The following PCSK6 variants were observed in gnomAD, a reference collection of about 807,000 sequenced individuals.
PCSK6 encodes proprotein convertase subtilisin/kexin type 6, also known as paired basic amino acid cleaving enzyme 4.
Under a neutral mutation model 123.3 loss-of-function variants are expected in PCSK6, and 85 were observed. That is an observed-to-expected ratio of 0.69 (90% CI 0.58 to 0.83). The LOEUF (loss-of-function observed/expected upper bound fraction) is 0.83, where lower values mean the gene tolerates loss of function less well. Ranked by LOEUF, PCSK6 falls within the 40% of genes least tolerant of loss-of-function variation. The pLI is 0.00. For synonymous variants in PCSK6, 508 were observed against 516.0 expected (o/e 0.98, Z 0.21); for missense variants, 1,191 against 1,282.3 (o/e 0.93, Z 1.09).
intron 11 of PCSK6, among the ~76,000 whole-genome samples, chr15:101,380,537 C>T (rs371966658): frequency 2.0e-5 from 3 of 152,256 alleles, no homozygotes; most frequent in Non-Finnish European, 2.9e-5. Flanking sequence ...GAGAAACCGA[C>T]GCCTTAAGAA....
chr15:101,399,783 A>C (rs148334129), intron 6 of PCSK6, among the ~76,000 whole-genome samples: 1 of 151,960 alleles, frequency 6.6e-6, no homozygotes, highest in African/African-American at 2.4e-5. Flanking sequence ...ACCCTGGGTC[A>C]ACTCTCTTCA....
At chr15:101,377,145 G>A (rs1030617034) in intron 11 of PCSK6, among the ~76,000 whole-genome samples, 1 of 152,252 alleles carries the variant, frequency 6.6e-6, no homozygotes. Flanking sequence ...CTGGGCTCCT[G>A]GCCTCACCAG....
rs147936226 is a variant in PCSK6, at chr15:101,345,168, G to A, written c.1859-13137C>T. Among the ~76,000 whole-genome samples, 242 of 152,142 alleles carry A rather than the reference G, an allele frequency of 1.6e-3. 1 individual carries two copies. Among genetic ancestry groups the A allele is most frequent in the African/African-American group, 5.4e-3 (223 of 41,504 alleles). On this transcript the variant is annotated intron_variant, in intron 13 of 21. Coordinates refer to ENST00000611716, the MANE Select transcript of PCSK6 (RefSeq NM_002570.5). ...AAGCAGATGCCTTCAAGCAAAAGCC[G>A]GACCATGATTCTGTTCACCTCTTTG...
At chr15:101,461,136 A>T (rs192324310) in intron 1 of PCSK6, among the ~76,000 whole-genome samples, 27 of 152,340 alleles carry the variant, frequency 1.8e-4, no homozygotes, top group Non-Finnish European at 3.4e-4. Flanking sequence ...TAAAGAAAAA[A>T]ATTAAGGCGC....
At chr15:101,430,684 G>A (rs575913066) in intron 4 of PCSK6, among the ~76,000 whole-genome samples, 2 of 152,264 alleles carry the variant, frequency 1.3e-5, no homozygotes, top group Admixed American at 1.3e-4. Context: ...ATTTCTAAGG[G>A]CTGCATAACG....
chr15:101,448,556 G>A (rs962878020), intron 1 of PCSK6, among the ~76,000 whole-genome samples: 5 of 152,214 alleles, frequency 3.3e-5, no homozygotes, highest in African/African-American at 9.6e-5. Context: ...CTGGGCACAT[G>A]CCCCATTCCA....
At chr15:101,387,589 T>A (rs2042102012) in intron 9 of PCSK6, among the ~76,000 whole-genome samples, 1 of 146,288 alleles carries the variant, frequency 6.8e-6, no homozygotes, top group Non-Finnish European at 1.5e-5. Context: ...AAATGTTTTT[T>A]GATGAAGAAC....
intron 15 of PCSK6, among the ~76,000 whole-genome samples, chr15:101,327,912 G>T (rs1249868313): frequency 6.6e-6 from 1 of 151,968 alleles, no homozygotes; most frequent in Non-Finnish European, 1.5e-5. Context: ...TTCCTGGGCG[G>T]TGCTGGTATC....
chr15:101,453,398 C>T (rs72757604), intron 1 of PCSK6, among the ~76,000 whole-genome samples: 3,915 of 152,280 alleles, frequency 0.026, 78 homozygotes, highest in South Asian at 0.08. Flanking sequence ...AGCCACATCT[C>T]CCTGCTGCTC....
At chr15:101,347,466 T>C (rs2040765511) in intron 13 of PCSK6, 3 of 1,257,432 alleles carry the variant, frequency 2.4e-6, no homozygotes, top group Non-Finnish European at 3.0e-6. Flanking sequence ...CTCTTCCCCT[T>C]CATTAAACAT....
At chr15:101,333,650 T>G (rs2040414939) in intron 13 of PCSK6, among the ~76,000 whole-genome samples, 1 of 152,256 alleles carries the variant, frequency 6.6e-6, no homozygotes, top group African/African-American at 2.4e-5. Flanking sequence ...ATGCACTGTT[T>G]CTGCAATGCA....
intron 2 of PCSK6, among the ~76,000 whole-genome samples, chr15:101,442,438 T>C (rs1219794458): frequency 1.3e-5 from 2 of 152,102 alleles, no homozygotes; most frequent in African/African-American, 2.4e-5. Flanking sequence ...CACTTCCTCA[T>C]ATGCTTCAAA....
intron 6 of PCSK6, among the ~76,000 whole-genome samples, chr15:101,403,023 A>G (rs1031193386): frequency 1.3e-5 from 2 of 152,244 alleles, no homozygotes; most frequent in African/African-American, 4.8e-5. Flanking sequence ...AACCAACCCA[A>G]ATGTCCAACA....
At chr15:101,397,504 C>T (rs770041747) in intron 7 of PCSK6, among the ~76,000 whole-genome samples, 2 of 152,120 alleles carry the variant, frequency 1.3e-5, no homozygotes, top group Non-Finnish European at 2.9e-5. Flanking sequence ...TCCCATTCTC[C>T]CATCCCCCAC....
At chr15:101,307,151 G>A in intron 21 of PCSK6, 62 bp downstream of exon 21, 1 of 1,249,028 alleles carries the variant, frequency 8.0e-7, no homozygotes. Context: ...TCTCTTTGGA[G>A]CACGAGCTGG....
chr15:101,430,445 T>C (rs1330049310), intron 4 of PCSK6, among the ~76,000 whole-genome samples: 2 of 152,230 alleles, frequency 1.3e-5, no homozygotes, highest in Non-Finnish European at 2.9e-5. Context: ...CTCGTGTAAG[T>C]GGAATCAGGC....
Position 101,423,837 on chromosome 15 carries a change from A to T in PCSK6, c.823+4055T>A, listed in dbSNP as rs1258446007. Among the ~76,000 whole-genome samples the T allele has an allele frequency of 2.0e-5, 3 of 152,230 alleles. No homozygotes were observed. The East Asian group carries it at 5.8e-4, about 29-fold the overall frequency. On this transcript the variant is annotated intron_variant, in intron 6 of 21. Coordinates refer to ENST00000611716, the MANE Select transcript of PCSK6 (RefSeq NM_002570.5). ...GAATAACCCACTAAGAAGCACAGAAAACCCAAGATGGAATTAATACGAAGA... is the reference window on the plus strand; with the variant it reads ...GAATAACCCACTAAGAAGCACAGAATACCCAAGATGGAATTAATACGAAGA...
At chr15:101,349,414 G>T (rs1169605280) in intron 13 of PCSK6, among the ~76,000 whole-genome samples, 7 of 152,198 alleles carry the variant, frequency 4.6e-5, no homozygotes, top group Non-Finnish European at 8.8e-5. Flanking sequence ...TGCCTCCAGC[G>T]CAGCAACCCT....
rs961188842 is a variant in PCSK6, at chr15:101,489,329, A to C, written c.297+45T>G. The C allele has an allele frequency of 6.4e-6, 7 of 1,097,006 alleles. No individual in the cohort carries two copies. The East Asian group carries it at 4.2e-4, about 66-fold the overall frequency. The allele number at this position is 1,097,006 out of a possible 1,614,324, so 68.0% of individuals were successfully genotyped here. A position where few individuals can be genotyped will look rare whatever the true frequency, so the allele number is the denominator to read the frequency against. Reference sequence around the variant, plus strand: ...GAGGCGCCCCCCTCGCGCGCGCCGGAGGCCGCCGGGAAAGTTTTGGGCGCG... The same window carrying C: ...GAGGCGCCCCCCTCGCGCGCGCCGGCGGCCGCCGGGAAAGTTTTGGGCGCG... On this transcript the variant is annotated intron_variant, in intron 1 of 21. Coordinates refer to ENST00000611716, the MANE Select transcript of PCSK6 (RefSeq NM_002570.5).
Sources: allele counts gnomAD v4.1 joint callset (sites outside exome capture counted in the v4.1 genomes callset), GRCh38; gene constraint gnomAD v4.1.1; transcripts MANE v1.5; gene names NCBI Gene and HGNC (gene_info 2026-07-23, HGNC 2026-07-21).